IL2RB: variants seen among roughly 807,000 people sequenced by gnomAD.
The protein encoded by IL2RB is interleukin 2 receptor subunit beta.
In IL2RB, 17 loss-of-function variants were observed where a neutral mutation model predicts 44.2. The ratio of observed to expected loss-of-function variants is 0.38; its 90% CI spans 0.26 to 0.58. IL2RB has a LOEUF of 0.58. Among genes scored for constraint, IL2RB ranks in the 20% least tolerant of loss-of-function variants. IL2RB has a pLI of 0.63. For missense variants in IL2RB, 624 were observed against 685.5 expected (o/e 0.91, Z 1.00); for synonymous variants, 286 against 297.9 (o/e 0.96, Z 0.41).
chr22:37,150,303 A>G (rs1922430938), upstream of IL2RB, among the ~76,000 whole-genome samples: 1 of 152,134 alleles, frequency 6.6e-6, no homozygotes, highest in Admixed American at 6.5e-5. Context: ...TCACACAAGC[A>G]GGTCCCTCTA....
intron 1 of IL2RB, among the ~76,000 whole-genome samples, chr22:37,145,615 A>G (rs754825181): frequency 1.5e-4 from 23 of 151,838 alleles, no homozygotes; most frequent in Non-Finnish European, 2.6e-4. Flanking sequence ...TCGGGAAGAT[A>G]AGGGGACTGC....
At chr22:37,136,769 G>A (rs554319295) in intron 6 of IL2RB, among the ~76,000 whole-genome samples, 8 of 152,206 alleles carry the variant, frequency 5.3e-5, no homozygotes, top group African/African-American at 1.7e-4. Flanking sequence ...AAAGTGGGAC[G>A]TCTCCGCACA....
intron 1 of IL2RB, among the ~76,000 whole-genome samples, chr22:37,170,521 A>T (rs1923245617): frequency 6.6e-6 from 1 of 152,106 alleles, no homozygotes; most frequent in African/African-American, 2.4e-5. Flanking sequence ...GGCTGGGGTA[A>T]TGACAGGCGT....
chr22:37,139,093 C>A (rs753751100), intron 5 of IL2RB, 24 bp downstream of exon 5: 17 of 1,499,812 alleles, frequency 1.1e-5, no homozygotes, highest in Non-Finnish European at 1.6e-5. Flanking sequence ...CCTGCCCCAG[C>A]CCCACCCTGG....
chr22:37,171,000 G>A (rs1387967632), intron 1 of IL2RB, among the ~76,000 whole-genome samples: 2 of 151,732 alleles, frequency 1.3e-5, no homozygotes, highest in African/African-American at 2.4e-5. Context: ...TGGGTGGGGA[G>A]GGGGACAGAG....
At chr22:37,165,538 C>G (rs1312945934) in intron 1 of IL2RB, among the ~76,000 whole-genome samples, 1 of 152,106 alleles carries the variant, frequency 6.6e-6, no homozygotes, top group East Asian at 1.9e-4. Flanking sequence ...CTCAAGGAGC[C>G]CAGAGTTTAG....
At chr22:37,153,768 A>G (rs1382834816), upstream of IL2RB, among the ~76,000 whole-genome samples, 1 of 152,222 alleles carries the variant, frequency 6.6e-6, no homozygotes, top group Non-Finnish European at 1.5e-5. Flanking sequence ...TTTGTATGGC[A>G]TGAACATATT....
At chr22:37,165,702 A>AT (rs11439218) in intron 1 of IL2RB, among the ~76,000 whole-genome samples, 13,013 of 149,930 alleles carry the variant, frequency 0.087, 865 homozygotes, top group Admixed American at 0.16. Flanking sequence ...ATTTAATTTA[A>AT]TTTAATTTTA....
chr22:37,137,880 C>T lies in IL2RB; in HGVS notation c.389-145G>A, dbSNP rs903925618. On this transcript the variant is annotated intron_variant, in intron 5 of 9. Coordinates refer to ENST00000216223, the MANE Select transcript of IL2RB (RefSeq NM_000878.5). Reference sequence around the variant, plus strand: ...CCAGGACCCGCTCCCTCACTGCCTCCAGGCCTCTCTCAATGATCACCTCTT... The same window carrying T: ...CCAGGACCCGCTCCCTCACTGCCTCTAGGCCTCTCTCAATGATCACCTCTT... 74 of 669,488 alleles carry T rather than the reference C, an allele frequency of 1.1e-4. No homozygotes were observed. In the African/African-American group the frequency reaches 1.2e-3, roughly 11 times the overall value. The allele number at this position is 669,488 out of a possible 1,614,324, so 41.5% of individuals were successfully genotyped here.
chr22:37,161,570 C>T (rs1922874395), intron 1 of IL2RB, among the ~76,000 whole-genome samples: 1 of 146,370 alleles, frequency 6.8e-6, no homozygotes, highest in South Asian at 2.3e-4. Flanking sequence ...CAATCAGAAG[C>T]CTCAGCTCCA....
chr22:37,161,459 C>G (rs1209036200), intron 1 of IL2RB, among the ~76,000 whole-genome samples: 1 of 152,200 alleles, frequency 6.6e-6, no homozygotes, highest in South Asian at 2.1e-4. Flanking sequence ...CTTTTCCAGC[C>G]TCCCTTGCAG....
intron 9 of IL2RB, among the ~76,000 whole-genome samples, chr22:37,132,035 G>A (rs1202740619): frequency 2.0e-5 from 3 of 152,116 alleles, no homozygotes; most frequent in Non-Finnish European, 4.4e-5. Context: ...CACCCAGCCT[G>A]ATAGGGTTCT....
At chr22:37,144,642 G>A (rs898637166) in intron 1 of IL2RB, among the ~76,000 whole-genome samples, 8 of 152,190 alleles carry the variant, frequency 5.3e-5, no homozygotes, top group African/African-American at 1.9e-4. Context: ...CTACTCGGGA[G>A]TCTAAGACAG....
intron 1 of IL2RB, among the ~76,000 whole-genome samples, chr22:37,163,295 C>T (rs1181591252): frequency 1.3e-5 from 2 of 152,160 alleles, no homozygotes; most frequent in Non-Finnish European, 2.9e-5. Flanking sequence ...CAGCTGTTTG[C>T]TGGCTTCATT....
intron 9 of IL2RB, among the ~76,000 whole-genome samples, chr22:37,129,962 C>G (rs1921340821): frequency 6.6e-6 from 1 of 152,236 alleles, no homozygotes; most frequent in Non-Finnish European, 1.5e-5. Flanking sequence ...ATTAATGAAC[C>G]AGCAACAAAT....
intron 1 of IL2RB, among the ~76,000 whole-genome samples, chr22:37,147,119 C>G (rs1238213632): frequency 6.6e-6 from 1 of 152,234 alleles, no homozygotes; most frequent in Non-Finnish European, 1.5e-5. Flanking sequence ...CCACGCCGCT[C>G]TGCCACCCCC....
intron 1 of IL2RB, among the ~76,000 whole-genome samples, chr22:37,164,035 C>T (rs984898281): frequency 1.3e-5 from 2 of 152,226 alleles, no homozygotes; most frequent in Non-Finnish European, 2.9e-5. Context: ...CTGTGGGTTG[C>T]ACATGGGACC....
chr22:37,146,284 C>T (rs1353722126), intron 1 of IL2RB, among the ~76,000 whole-genome samples: 1 of 152,170 alleles, frequency 6.6e-6, no homozygotes, highest in Non-Finnish European at 1.5e-5. Flanking sequence ...CTCCAACCAC[C>T]CACATCCCTG....
At chr22:37,135,280 A>C in intron 8 of IL2RB, 48 bp downstream of exon 8, 1 of 1,249,518 alleles carries the variant, frequency 8.0e-7, no homozygotes, top group Non-Finnish European at 1.2e-6. Flanking sequence ...ATGTGTGTGC[A>C]CGTTGGAGGG....
Sources: gnomAD v4.1 joint callset for allele counts (sites outside exome capture counted in the v4.1 genomes callset) on GRCh38, gnomAD v4.1.1 for gene constraint, MANE v1.5 for transcripts, NCBI Gene and HGNC (gene_info 2026-07-23, HGNC 2026-07-21) for gene names.